Variants in CDH12 observed in about 807,000 individuals in gnomAD.
The protein encoded by CDH12 is cadherin 12, also known as cadherin-12.
A neutral mutation model predicts 74.1 loss-of-function variants in CDH12; 41 were observed. The observed-to-expected ratio is 0.55, with a 90% CI of 0.43 to 0.72. The LOEUF (loss-of-function observed/expected upper bound fraction) is 0.72. Among genes scored for constraint, CDH12 ranks in the 30% least tolerant of loss-of-function variants. The probability of loss-of-function intolerance (pLI) is 0.00; values close to 1 mark genes in which losing one functional copy is unlikely to be tolerated. For missense variants in CDH12, 945 were observed against 977.2 expected, an observed-to-expected ratio of 0.97 and a Z score of 0.44; for synonymous variants, 399 against 355.0, an observed-to-expected ratio of 1.12 and a Z score of -1.39.
At chr5:22,606,008 C>T (rs929722386) in intron 1 of CDH12, among the ~76,000 whole-genome samples, 3 of 152,176 alleles carry the variant, frequency 2.0e-5, no homozygotes, top group Non-Finnish European at 2.9e-5. Context: ...AGAGCATTTC[C>T]AGCTCAAAAA....
intron 3 of CDH12, among the ~76,000 whole-genome samples, chr5:22,343,335 G>T (rs879778834): frequency 7.1e-6 from 1 of 140,716 alleles, no homozygotes; most frequent in African/African-American, 2.9e-5. Flanking sequence ...GAGAGAGAGA[G>T]AGAGAGAGAG....
Position 21,802,301 on chromosome 5 carries a change from G to C in CDH12, c.1122C>G (p.Ser374Arg). ...CCGGTGGCTCATCTACGTCCAGCAC[G>C]CTGATCTTCACCGTAGCTGTGTCTT... The part of the protein sequence containing the change: ...PFKDTATVKI[S>R]VLDVDEPPVF... The change falls in exon 10 of 15, where the codon AGC (serine) becomes AGG (arginine). Residue 374 changes from serine to arginine, a missense_variant. By Grantham distance (110) the Ser-to-Arg change is moderately radical (BLOSUM62 -1). This residue lies in a region of CDH12 where 791 missense variants were observed against 792.8 expected (regional missense o/e 1.00). Transcript: ENST00000382254. 6.2e-7 allele frequency: 1 copy of C among 1,613,854 alleles called. No homozygotes were observed. Among genetic ancestry groups the C allele is most frequent in the African/African-American group, 1.3e-5 (1 of 74,988 alleles).
chr5:22,060,772 CTG>C (rs1032257927), intron 5 of CDH12, among the ~76,000 whole-genome samples: 3 of 152,012 alleles, frequency 2.0e-5, no homozygotes, highest in Admixed American at 1.3e-4. Flanking sequence ...AAAATTAAGA[CTG>C]TATCTTTTTC....
At chr5:22,379,124 T>C (rs961308570) in intron 3 of CDH12, among the ~76,000 whole-genome samples, 2 of 152,168 alleles carry the variant, frequency 1.3e-5, no homozygotes, top group Admixed American at 1.3e-4. Context: ...TGCAGAATTG[T>C]AGTAAGAAAC....
At chr5:22,673,103 G>T (rs1740990891) in intron 1 of CDH12, among the ~76,000 whole-genome samples, 1 of 151,684 alleles carries the variant, frequency 6.6e-6, no homozygotes, top group South Asian at 2.1e-4. Flanking sequence ...AACTCTTATT[G>T]TGATACCTCC....
intron 6 of CDH12, among the ~76,000 whole-genome samples, chr5:21,930,713 A>G (rs1203139189): frequency 1.3e-5 from 2 of 152,244 alleles, no homozygotes; most frequent in Non-Finnish European, 2.9e-5. Context: ...TCTGTAGAAT[A>G]AGAATGTAGC....
intron 6 of CDH12, among the ~76,000 whole-genome samples, chr5:21,898,578 T>C (rs1753234893): frequency 6.6e-6 from 1 of 151,944 alleles, no homozygotes; most frequent in African/African-American, 2.4e-5. Flanking sequence ...GGCGGGCGCC[T>C]ATAGTCCCAG....
At chr5:22,752,546 TTTTTTTTTTTTTTTTTTTTTTTTTTTTC>T (rs1455728461) in intron 1 of CDH12, among the ~76,000 whole-genome samples, 1 of 8,656 alleles carries the variant, frequency 1.2e-4, no homozygotes, top group Admixed American at 2.6e-3. Flanking sequence ...AGGATACTTC[TTTTTTTTTTTTTTTTTTTTTTTTTTTTC>T]TTTTTTTTTT....
rs773700209 is a variant in CDH12, at chr5:22,589,528, G to A, written c.-522-84164C>T. ...CATGTCATTTCATGAAACTTGTTAC[G>A]TTGAGGTAATCAAAGATTGCTAGTC... On this transcript the variant is annotated intron_variant, in intron 1 of 14. Transcript: ENST00000382254. Among the ~76,000 whole-genome samples, 12 of 152,048 alleles carry A rather than the reference G, an allele frequency of 7.9e-5. No individual in the cohort carries two copies. In the South Asian group the frequency reaches 8.3e-4, roughly 11 times the overall value.
At chr5:21,921,352 C>T (rs772981844) in intron 6 of CDH12, among the ~76,000 whole-genome samples, 31 of 152,176 alleles carry the variant, frequency 2.0e-4, no homozygotes, top group Non-Finnish European at 1.3e-4. Context: ...CCTGCATCTT[C>T]TCCATCTGGT....
chr5:22,660,485 T>C (rs562404521), intron 1 of CDH12, among the ~76,000 whole-genome samples: 41 of 152,328 alleles, frequency 2.7e-4, no homozygotes, highest in African/African-American at 9.1e-4. Context: ...CCACTACATA[T>C]TCACCAAGTT....
chr5:22,242,640 G>A (rs894448474), intron 3 of CDH12, among the ~76,000 whole-genome samples: 2 of 152,116 alleles, frequency 1.3e-5, no homozygotes, highest in Non-Finnish European at 2.9e-5. Context: ...GGGGGGCTTA[G>A]GATGGTGGTA....
chr5:22,034,631 C>T (rs1739048052), intron 5 of CDH12, among the ~76,000 whole-genome samples: 1 of 152,040 alleles, frequency 6.6e-6, no homozygotes, highest in African/African-American at 2.4e-5. Flanking sequence ...AAGAATAGGA[C>T]ACTATTCACA....
At chr5:21,906,698 G>A (rs1163765912) in intron 6 of CDH12, among the ~76,000 whole-genome samples, 1 of 152,170 alleles carries the variant, frequency 6.6e-6, no homozygotes, top group Non-Finnish European at 1.5e-5. Flanking sequence ...CCGTTTGTGA[G>A]TCTGTAGATA....
intron 3 of CDH12, among the ~76,000 whole-genome samples, chr5:22,219,968 T>C (rs1324351517): frequency 1.3e-5 from 2 of 151,792 alleles, no homozygotes; most frequent in Admixed American, 1.3e-4. Flanking sequence ...AAACTATGTA[T>C]ACCCCCAAAT....
chr5:22,693,139 C>T (rs998691082), intron 1 of CDH12, among the ~76,000 whole-genome samples: 2 of 152,112 alleles, frequency 1.3e-5, no homozygotes, highest in Non-Finnish European at 2.9e-5. Flanking sequence ...GCACACACAA[C>T]CTCTTGCAGC....
intron 5 of CDH12, among the ~76,000 whole-genome samples, chr5:21,983,568 C>A (rs187938388): frequency 6.6e-6 from 1 of 152,184 alleles, no homozygotes; most frequent in Admixed American, 6.5e-5. Flanking sequence ...TGAGATTGGA[C>A]ACTTAGTAAA....
intron 1 of CDH12, among the ~76,000 whole-genome samples, chr5:22,589,669 C>G (rs1212977957): frequency 6.6e-6 from 1 of 152,158 alleles, no homozygotes; most frequent in Non-Finnish European, 1.5e-5. Flanking sequence ...ATCCCACTCA[C>G]GTGATTCTCC....
chr5:21,786,543 C>T (rs1746210119), intron 10 of CDH12, among the ~76,000 whole-genome samples: 1 of 152,076 alleles, frequency 6.6e-6, no homozygotes, highest in Non-Finnish European at 1.5e-5. Context: ...TGACAATTCA[C>T]CTAGTCACCC....
Sources: allele counts gnomAD v4.1 joint callset (sites outside exome capture counted in the v4.1 genomes callset), GRCh38; gene constraint gnomAD v4.1.1; regional missense constraint gnomAD v4.1.1; transcripts MANE v1.5; gene names NCBI Gene and HGNC (gene_info 2026-07-23, HGNC 2026-07-21).